Variants in MYO1D observed in about 807,000 individuals in gnomAD.
MYO1D encodes unconventional myosin-Id.
Under a neutral mutation model 122.0 loss-of-function variants are expected in MYO1D, and 83 were observed. The ratio of observed to expected loss-of-function variants is 0.68; its 90% CI spans 0.57 to 0.82. The LOEUF (loss-of-function observed/expected upper bound fraction) is 0.82, where lower values mean the gene tolerates loss of function less well. MYO1D is among the 40% of genes least tolerant of loss of function. The pLI is 0.00. For synonymous variants in MYO1D, 464 were observed against 446.9 expected, an observed-to-expected ratio of 1.04 and a Z score of -0.48; for missense variants, 1,157 against 1,269.5, an observed-to-expected ratio of 0.91 and a Z score of 1.35.
rs1228099731 is a variant in MYO1D at position 32,721,145 on chromosome 17, A to G, written c.1791T>C (p.Ser597=). 42 of 1,613,948 alleles carry G rather than the reference A, an allele frequency of 2.6e-5. No individual in the cohort carries two copies. The highest frequency in any genetic ancestry group is 1.6e-4 in the Middle Eastern group (1 of 6,082). ...AGCGTTCATCATCAAATATCTGTGGAGATTTCTTGTCATTGGGTTTGATGC... is the reference window on the plus strand; with the variant it reads ...AGCGTTCATCATCAAATATCTGTGGGGATTTCTTGTCATTGGGTTTGATGC... ...VRCIKPNDKK[S]PQIFDDERCR... The change falls in exon 15 of 22, where the codon TCT becomes TCC. Residue 597 remains serine (S), a synonymous_variant. Coordinates refer to ENST00000318217, the MANE Select transcript of MYO1D (RefSeq NM_015194.3).
chr17:32,502,254 C>G (rs951952494), intron 21 of MYO1D, among the ~76,000 whole-genome samples: 2 of 152,328 alleles, frequency 1.3e-5, no homozygotes, highest in Admixed American at 1.3e-4. Context: ...GCACATGTTA[C>G]AACAAGATGA....
intron 21 of MYO1D, among the ~76,000 whole-genome samples, chr17:32,581,773 G>T (rs748683087): frequency 6.6e-6 from 1 of 151,548 alleles, no homozygotes; most frequent in African/African-American, 2.4e-5. Context: ...GTGTGTATGT[G>T]TGTGTGTTTT....
intron 19 of MYO1D, among the ~76,000 whole-genome samples, chr17:32,642,697 A>C (rs1445816504): frequency 6.6e-6 from 1 of 152,172 alleles, no homozygotes; most frequent in African/African-American, 2.4e-5. Flanking sequence ...GCAATTGTGA[A>C]TGGGAGTTCA....
intron 16 of MYO1D, among the ~76,000 whole-genome samples, chr17:32,674,945 A>C (rs1210577953): frequency 6.6e-6 from 1 of 152,218 alleles, no homozygotes; most frequent in East Asian, 1.9e-4. Context: ...GTAAACATCA[A>C]ACATACTTCT....
chr17:32,778,715 T>G (rs2090205514), intron 2 of MYO1D, 142 bp from the exon 3 acceptor site: 1 of 742,748 alleles, frequency 1.3e-6, no homozygotes, highest in Admixed American at 2.7e-5. Context: ...TTTGCTTTTT[T>G]GAGTTATTTC....
At chr17:32,859,946 C>T (rs920645860) in intron 1 of MYO1D, among the ~76,000 whole-genome samples, 1 of 152,198 alleles carries the variant, frequency 6.6e-6, no homozygotes, top group African/African-American at 2.4e-5. Context: ...TCATCAGCGC[C>T]TGACTATTCC....
chr17:32,586,063 C>G (rs917571707), intron 21 of MYO1D, among the ~76,000 whole-genome samples: 6 of 152,116 alleles, frequency 3.9e-5, no homozygotes, highest in Non-Finnish European at 8.8e-5. Flanking sequence ...AGAGGACGGT[C>G]TTTGAATTCA....
intron 11 of MYO1D, among the ~76,000 whole-genome samples, chr17:32,755,236 T>C (rs1454992622): frequency 6.6e-6 from 1 of 152,226 alleles, no homozygotes; most frequent in Non-Finnish European, 1.5e-5. Context: ...ATCATGCTCA[T>C]TTTTCCTGTT....
intron 16 of MYO1D, among the ~76,000 whole-genome samples, chr17:32,678,176 C>G (rs938948814): frequency 6.6e-6 from 1 of 151,952 alleles, no homozygotes; most frequent in Non-Finnish European, 1.5e-5. Context: ...AGGGTTAAAT[C>G]CTTCATATCT....
intron 21 of MYO1D, among the ~76,000 whole-genome samples, chr17:32,579,942 G>A (rs440428): frequency 0.99 from 150,850 of 152,338 alleles, 74,692 homozygotes; most frequent in Middle Eastern, 1. Context: ...ATAATTTGAT[G>A]TGAACATTTG....
chr17:32,548,454 T>C (rs947209496), intron 21 of MYO1D, among the ~76,000 whole-genome samples: 22 of 150,600 alleles, frequency 1.5e-4, no homozygotes, highest in East Asian at 1.2e-3. Context: ...GTTTATCCTC[T>C]AGGATTATCT....
chr17:32,518,214 G>T, intron 21 of MYO1D: 1 of 195,532 alleles, frequency 5.1e-6, no homozygotes, highest in Non-Finnish European at 1.1e-5. Flanking sequence ...ACAAACATTG[G>T]CTAAAGCCTG....
chr17:32,798,537 G>C (rs1041364570), intron 1 of MYO1D, among the ~76,000 whole-genome samples: 9 of 152,192 alleles, frequency 5.9e-5, no homozygotes, highest in African/African-American at 2.2e-4. Flanking sequence ...GAGGCACGTG[G>C]AACTTCTACG....
chr17:32,598,369 G>C (rs887512750), intron 21 of MYO1D, among the ~76,000 whole-genome samples: 100 of 151,988 alleles, frequency 6.6e-4, no homozygotes, highest in Non-Finnish European at 3.4e-4. Flanking sequence ...GCAAGACTCT[G>C]TTTCAAAAAA....
chr17:32,714,233 C>A (rs1323294294), intron 15 of MYO1D, among the ~76,000 whole-genome samples: 1 of 151,526 alleles, frequency 6.6e-6, no homozygotes, highest in Non-Finnish European at 1.5e-5. Context: ...CACCCCCACC[C>A]CAACAGGCCC....
chr17:32,756,954 T>G (rs1295040088), intron 10 of MYO1D, among the ~76,000 whole-genome samples: 8 of 152,158 alleles, frequency 5.3e-5, no homozygotes, highest in Non-Finnish European at 7.3e-5. Context: ...AAAGGCCAAC[T>G]CAGGCAAGCT....
intron 6 of MYO1D, among the ~76,000 whole-genome samples, chr17:32,768,909 G>A (rs971399971): frequency 6.6e-6 from 1 of 152,092 alleles, no homozygotes; most frequent in Non-Finnish European, 1.5e-5. Context: ...CCTACTGTGG[G>A]GAACTGTTGG....
chr17:32,617,980 T>C (rs930019754), intron 20 of MYO1D, among the ~76,000 whole-genome samples: 2 of 152,234 alleles, frequency 1.3e-5, no homozygotes, highest in African/African-American at 4.8e-5. Context: ...TCTTTTCCTT[T>C]CTTAGGGATT....
intron 1 of MYO1D, among the ~76,000 whole-genome samples, chr17:32,841,508 C>T (rs2090881537): frequency 6.6e-6 from 1 of 151,626 alleles, no homozygotes; most frequent in Non-Finnish European, 1.5e-5. Context: ...AGTCAAGAAG[C>T]ATCTGCATTT....
Sources: allele counts gnomAD v4.1 joint callset (sites outside exome capture counted in the v4.1 genomes callset), GRCh38; gene constraint gnomAD v4.1.1; transcripts MANE v1.5; gene names NCBI Gene and HGNC (gene_info 2026-07-23, HGNC 2026-07-21).